DNAJC6: variants seen among roughly 807,000 people sequenced by gnomAD.
DNAJC6 encodes the protein DnaJ heat shock protein family (Hsp40) member C6, also known as auxilin.
DNAJC6 carries 34 observed loss-of-function variants against 110.0 expected under a neutral mutation model. The ratio of observed to expected loss-of-function variants is 0.31; its 90% CI spans 0.24 to 0.41. DNAJC6 has a LOEUF of 0.41. Among genes scored for constraint, DNAJC6 ranks in the 10% least tolerant of loss-of-function variants. The probability of loss-of-function intolerance (pLI) is 1.00; values close to 1 mark genes in which losing one functional copy is unlikely to be tolerated. For missense variants in DNAJC6, 1,031 were observed against 1,207.8 expected, an observed-to-expected ratio of 0.85 and a Z score of 2.17; for synonymous variants, 406 against 437.2, an observed-to-expected ratio of 0.93 and a Z score of 0.89.
chr1:65,310,810 C>T (rs1040691986), intron 1 of DNAJC6, among the ~76,000 whole-genome samples: 6 of 152,144 alleles, frequency 3.9e-5, no homozygotes, highest in Admixed American at 2.6e-4. Flanking sequence ...CTGCAGGGAA[C>T]CAGGTTCGGA....
At chr1:65,275,502 A>T (rs1280841007) in intron 1 of DNAJC6, among the ~76,000 whole-genome samples, 1 of 152,000 alleles carries the variant, frequency 6.6e-6, no homozygotes, top group East Asian at 1.9e-4. Flanking sequence ...TGTTGTTAAG[A>T]CTTTTCTCAA....
At chr1:65,279,600 C>T (rs1653781057) in intron 1 of DNAJC6, 1 of 152,138 alleles carries the variant, frequency 6.6e-6, no homozygotes, top group Non-Finnish European at 1.5e-5. Flanking sequence ...CATGCACACA[C>T]ACACAGCTTG....
intron 1 of DNAJC6, among the ~76,000 whole-genome samples, chr1:65,349,022 A>G (rs1261998654): frequency 1.4e-5 from 2 of 145,812 alleles, no homozygotes; most frequent in African/African-American, 5.0e-5. Flanking sequence ...ATATGTGAAT[A>G]CATATAAATA....
At chr1:65,393,015 A>C (rs1386038693) in intron 12 of DNAJC6, 150 bp downstream of exon 12, 1 of 733,906 alleles carries the variant, frequency 1.4e-6, no homozygotes, top group Non-Finnish European at 2.0e-6. Flanking sequence ...TTAAATTGAG[A>C]GCGTAAGAGA....
chr1:65,310,813 G>C (rs1199252302), intron 1 of DNAJC6, among the ~76,000 whole-genome samples: 1 of 152,162 alleles, frequency 6.6e-6, no homozygotes, highest in Non-Finnish European at 1.5e-5. Context: ...CAGGGAACCA[G>C]GTTCGGAGAA....
intron 1 of DNAJC6, among the ~76,000 whole-genome samples, chr1:65,320,546 A>C (rs536349432): frequency 6.6e-6 from 1 of 152,324 alleles, no homozygotes; most frequent in South Asian, 2.1e-4. Flanking sequence ...TCATAGGCAC[A>C]GTGGAATGTG....
chr1:65,384,157 C>T, intron 5 of DNAJC6, 36 bp from the exon 6 acceptor site: 1 of 1,399,978 alleles, frequency 7.1e-7, no homozygotes, highest in South Asian at 1.9e-5. Flanking sequence ...CTGATTTGAT[C>T]ATGTTCATAA....
chr1:65,335,255 A>G (rs1645324616), intron 1 of DNAJC6, among the ~76,000 whole-genome samples: 1 of 149,810 alleles, frequency 6.7e-6, no homozygotes, highest in African/African-American at 2.5e-5. Context: ...CTACAGGCGC[A>G]CACCACCCAC....
intron 1 of DNAJC6, among the ~76,000 whole-genome samples, chr1:65,285,166 C>T (rs1025322863): frequency 1.3e-5 from 2 of 152,236 alleles, no homozygotes; most frequent in Non-Finnish European, 2.9e-5. Context: ...AACTTTCTTG[C>T]ATAAACAGCA....
At chr1:65,289,969 C>T (rs981234703) in intron 1 of DNAJC6, among the ~76,000 whole-genome samples, 51 of 152,028 alleles carry the variant, frequency 3.4e-4, no homozygotes, top group African/African-American at 1.2e-3. Flanking sequence ...ACTGCCACAC[C>T]CAGCTAATTT....
intron 1 of DNAJC6, among the ~76,000 whole-genome samples, chr1:65,347,003 A>C (rs1223288823): frequency 6.6e-6 from 1 of 152,118 alleles, no homozygotes; most frequent in Non-Finnish European, 1.5e-5. Context: ...CAACTTTATA[A>C]TACTTCTTGG....
chr1:65,414,361 A>G lies in DNAJC6; in HGVS notation c.*1336A>G, dbSNP rs1380075850. 2.0e-5 allele frequency: 3 copies of G among 152,658 alleles called. No homozygotes were observed. The highest frequency in any genetic ancestry group is 4.4e-5 in the Non-Finnish European group (3 of 68,048). 9.5% of individuals were successfully genotyped at this position (152,658 alleles called of 1,614,324 possible). The stretch of plus-strand genomic sequence containing the variant: ...TAGTAGATCTCTTTTGTGTGCACAT[A>G]TACAATGTGCATTATACATATATAT... On this transcript the variant is annotated 3_prime_UTR_variant, in exon 19 of 19. Coordinates refer to ENST00000371069, the MANE Select transcript of DNAJC6 (RefSeq NM_001256864.2).
chr1:65,315,878 C>T (rs1184536559), intron 1 of DNAJC6, among the ~76,000 whole-genome samples: 1 of 152,070 alleles, frequency 6.6e-6, no homozygotes, highest in East Asian at 1.9e-4. Flanking sequence ...GCTTCTTTCT[C>T]TGAGGCAAGG....
At chr1:65,342,861 G>A (rs1645402071) in intron 1 of DNAJC6, among the ~76,000 whole-genome samples, 1 of 152,120 alleles carries the variant, frequency 6.6e-6, no homozygotes, top group African/African-American at 2.4e-5. Flanking sequence ...TCCTTTTTTA[G>A]ATGGCTTACC....
chr1:65,384,692 C>G (rs559983759), intron 6 of DNAJC6, among the ~76,000 whole-genome samples: 1 of 152,038 alleles, frequency 6.6e-6, no homozygotes, highest in Non-Finnish European at 1.5e-5. Context: ...AAAACCCGCC[C>G]CCATGATTCA....
At chr1:65,305,393 A>G (rs1284495718), upstream of DNAJC6, among the ~76,000 whole-genome samples, 2 of 152,232 alleles carry the variant, frequency 1.3e-5, no homozygotes, top group African/African-American at 4.8e-5. Context: ...ACACTCATAC[A>G]TATCACACAA....
intron 14 of DNAJC6, 31 bp from the exon 15 acceptor site, chr1:65,401,730 C>T (rs374992856): frequency 6.3e-7 from 1 of 1,593,810 alleles, no homozygotes; most frequent in African/African-American, 1.4e-5. Context: ...AAACAACTAA[C>T]TCATTTTCAA....
At chr1:65,342,748 A>G (rs1340125645) in intron 1 of DNAJC6, among the ~76,000 whole-genome samples, 1 of 152,170 alleles carries the variant, frequency 6.6e-6, no homozygotes, top group Non-Finnish European at 1.5e-5. Flanking sequence ...AGTGATGGCT[A>G]TTGCTGTTAT....
chr1:65,306,545 A>G (rs745459445), upstream of DNAJC6: 1 of 152,266 alleles, frequency 6.6e-6, no homozygotes, highest in Non-Finnish European at 1.5e-5. Flanking sequence ...GTTCCTCAGT[A>G]TTCCTCAGTG....
Sources: allele counts gnomAD v4.1 joint callset (sites outside exome capture counted in the v4.1 genomes callset), GRCh38; gene constraint gnomAD v4.1.1; transcripts MANE v1.5; gene names NCBI Gene and HGNC (gene_info 2026-07-23, HGNC 2026-07-21).